The following KLHDC4 variants were observed in gnomAD, a reference collection of about 807,000 sequenced individuals.
KLHDC4 encodes kelch domain-containing protein 4.
In KLHDC4, 90 loss-of-function variants were observed where a neutral mutation model predicts 62.4. The observed-to-expected ratio is 1.44, with a 90% CI of 1.22 to 1.72. The LOEUF (loss-of-function observed/expected upper bound fraction) is 1.72. Ranked by LOEUF, KLHDC4 falls within the 40% of genes most tolerant of loss-of-function variation. The pLI is 0.00. For missense variants in KLHDC4, 1,025 were observed against 699.7 expected (o/e 1.47, Z -5.25); for synonymous variants, 386 against 284.4 (o/e 1.36, Z -3.59).
At chr16:87,736,553 T>C (rs35063335) in intron 5 of KLHDC4, among the ~76,000 whole-genome samples, 25,929 of 152,068 alleles carry the variant, frequency 0.17, 2,218 homozygotes, top group South Asian at 0.22. Flanking sequence ...TTCAAACACA[T>C]GCCTTGGAAA....
intron 9 of KLHDC4, 184 bp downstream of exon 9, chr16:87,711,051 C>T (rs1249576228): frequency 9.8e-6 from 6 of 612,826 alleles, no homozygotes; most frequent in South Asian, 2.0e-5. Flanking sequence ...CTAAGGGGAC[C>T]GTGACCAAGG....
At chr16:87,732,715 G>A (rs371918436) in intron 5 of KLHDC4, among the ~76,000 whole-genome samples, 53 of 151,944 alleles carry the variant, frequency 3.5e-4, no homozygotes, top group African/African-American at 1.1e-3. Flanking sequence ...GACAATGCTC[G>A]AAAAACAGCA....
intron 2 of KLHDC4, among the ~76,000 whole-genome samples, chr16:87,761,109 A>G (rs1446451310): frequency 6.6e-6 from 1 of 152,264 alleles, no homozygotes; most frequent in Non-Finnish European, 1.5e-5. Context: ...CTAAAGGGAA[A>G]AAGAAAACTA....
chr16:87,749,243 T>C (rs1172300388), intron 4 of KLHDC4, among the ~76,000 whole-genome samples: 2 of 152,008 alleles, frequency 1.3e-5, no homozygotes, highest in African/African-American at 2.4e-5. Flanking sequence ...GCCTCAGAAG[T>C]ACAATGTGCA....
rs1189884377 is a variant in KLHDC4, at chr16:87,709,386, C to T, written c.1326G>A (p.Gly442=). Residue 442 remains glycine (G), a synonymous_variant, in exon 10 of 12, where the codon GGG becomes GGA. Transcript: ENST00000270583. Reference sequence around the variant, plus strand: ...ACATGCCCCCATAGACGTAGAGCACCCCATGCTTCACAGCCAGCATGGCGT... The same window carrying T: ...ACATGCCCCCATAGACGTAGAGCACTCCATGCTTCACAGCCAGCATGGCGT... ...RSNAMLAVKH[G]VLYVYGGMFE... 1 of 1,613,470 alleles carries T rather than the reference C, an allele frequency of 6.2e-7. No homozygotes were observed.
At chr16:87,716,451 G>T (rs566809041) in intron 7 of KLHDC4, among the ~76,000 whole-genome samples, 26 of 152,262 alleles carry the variant, frequency 1.7e-4, no homozygotes, top group Middle Eastern at 3.4e-3. Flanking sequence ...GCTGCCACTA[G>T]GAGCCTTTAC....
chr16:87,761,950 T>G lies in KLHDC4; in HGVS notation c.190A>C (p.Arg64=), dbSNP rs2045956630. ...VELPCPPPSP[R]LNASLSVHPE... ...ATATGAAAAATGCTACTTGCTCACC[T>G]TGGTGAGGGTGGGGGGCACGGAAGT... The change falls in exon 2 of 12, where the codon AGG becomes CGG. Residue 64 remains arginine, a splice_region_variant and synonymous_variant. Transcript: ENST00000270583. 1.2e-6 allele frequency: 2 copies of G among 1,613,052 alleles called. No individual in the cohort carries two copies. Among genetic ancestry groups the G allele is most frequent in the African/African-American group, 2.7e-5 (2 of 74,856 alleles).
chr16:87,709,707 CGA>C, intron 9 of KLHDC4, 40 bp from the exon 10 acceptor site: 1 of 1,520,874 alleles, frequency 6.6e-7, no homozygotes, highest in South Asian at 1.3e-5. Flanking sequence ...GCAGCTTCAG[CGA>C]GGCAGGGGTC....
chr16:87,710,840 T>C (rs1255956828), intron 9 of KLHDC4: 3 of 175,718 alleles, frequency 1.7e-5, no homozygotes, highest in African/African-American at 4.7e-5. Context: ...TGTGCTGGGC[T>C]GGCCCTGGAC....
chr16:87,763,208 C>G (rs957684944), intron 1 of KLHDC4, among the ~76,000 whole-genome samples: 5 of 152,254 alleles, frequency 3.3e-5, no homozygotes, highest in African/African-American at 1.2e-4. Flanking sequence ...CAAGTAACCA[C>G]TATCTGGAAC....
At chr16:87,731,335 G>C (rs1343941704) in intron 5 of KLHDC4, among the ~76,000 whole-genome samples, 1 of 151,822 alleles carries the variant, frequency 6.6e-6, no homozygotes, top group Non-Finnish European at 1.5e-5. Flanking sequence ...GACTCCCAAA[G>C]TGCTGAGATT....
chr16:87,719,682 A>G (rs11863629), intron 7 of KLHDC4, among the ~76,000 whole-genome samples: 5 of 151,578 alleles, frequency 3.3e-5, no homozygotes, highest in Non-Finnish European at 5.9e-5. Flanking sequence ...AAAAAAAAAA[A>G]CAAAAAACTG....
At position 87,752,317 on chromosome 16, in the gene KLHDC4, C is replaced by T. The variant is rs376239838; in HGVS notation, c.369+2877G>A. ...CCAGGCAAGAGTGTAATCCACAATCCGATCCACAGCACTGTTTTTTCTTTT... is the reference window on the plus strand; with the variant it reads ...CCAGGCAAGAGTGTAATCCACAATCTGATCCACAGCACTGTTTTTTCTTTT... On this transcript the variant is annotated intron_variant, in intron 4 of 11. Coordinates refer to ENST00000270583, the MANE Select transcript of KLHDC4 (RefSeq NM_017566.4). Among the ~76,000 whole-genome samples, 10 of 147,658 alleles carry T rather than the reference C, an allele frequency of 6.8e-5. No homozygotes were observed. In the South Asian group the frequency reaches 1.5e-3, roughly 22 times the overall value.
intron 4 of KLHDC4, among the ~76,000 whole-genome samples, 181 bp downstream of exon 4, chr16:87,755,010 TCTC>T (rs1341757844): frequency 3.9e-5 from 6 of 152,108 alleles, no homozygotes; most frequent in Admixed American, 2.0e-4. Flanking sequence ...GAGCAGGTGT[TCTC>T]CTCCCCGTCT....
At chr16:87,727,319 A>G (rs2039546635) in intron 6 of KLHDC4, among the ~76,000 whole-genome samples, 1 of 152,232 alleles carries the variant, frequency 6.6e-6, no homozygotes. Flanking sequence ...TTTCTTACAC[A>G]GTTAACACAA....
chr16:87,753,195 G>T (rs2044297145), intron 4 of KLHDC4, among the ~76,000 whole-genome samples: 1 of 152,206 alleles, frequency 6.6e-6, no homozygotes. Context: ...CTGCACGGGG[G>T]CGTCCCCTGG....
At chr16:87,735,114 G>A (rs1168880314) in intron 5 of KLHDC4, among the ~76,000 whole-genome samples, 1 of 148,730 alleles carries the variant, frequency 6.7e-6, no homozygotes, top group Non-Finnish European at 1.5e-5. Flanking sequence ...AACTAAACCA[G>A]TGCTGAAACC....
chr16:87,711,300 C>T lies in KLHDC4; in HGVS notation c.979G>A (p.Glu327Lys), dbSNP rs201206196. 5.9e-5 allele frequency: 96 copies of T among 1,614,120 alleles called. No individual in the cohort carries two copies. The Admixed American group carries it at 1.4e-3, about 24-fold the overall frequency. ...DEEEEESLSG[E>K]FFNDLYFYDA... The stretch of plus-strand genomic sequence containing the variant: ...TAGAAGTACAGATCGTTGAAGAACT[C>T]GCCCGACAGGCTCTCCTCCTCTTCC... The change falls in exon 9 of 12, where the codon GAG (glutamate) becomes AAG (lysine). Residue 327 changes from glutamate to lysine, a missense_variant. Coordinates refer to ENST00000270583, the MANE Select transcript of KLHDC4 (RefSeq NM_017566.4).
At chr16:87,707,204 C>CCA (rs1394524669), downstream of KLHDC4, among the ~76,000 whole-genome samples, 1 of 152,228 alleles carries the variant, frequency 6.6e-6, no homozygotes, top group Non-Finnish European at 1.5e-5. Context: ...AGTTAGCGCA[C>CCA]CACAGCCTTC....
Sources: allele counts gnomAD v4.1 joint callset (sites outside exome capture counted in the v4.1 genomes callset), GRCh38; gene constraint gnomAD v4.1.1; transcripts MANE v1.5; gene names NCBI Gene and HGNC (gene_info 2026-07-23, HGNC 2026-07-21).